EIF2AK1: variants seen among roughly 807,000 people sequenced by gnomAD.
The protein encoded by EIF2AK1 is eukaryotic translation initiation factor 2-alpha kinase 1.
A neutral mutation model predicts 77.9 loss-of-function variants in EIF2AK1; 54 were observed. The observed-to-expected ratio is 0.69, with a 90% CI of 0.56 to 0.87. EIF2AK1 has a LOEUF of 0.87. EIF2AK1 is among the 40% of genes least tolerant of loss of function. The pLI, the probability that EIF2AK1 is intolerant of heterozygous loss-of-function variation, is 0.00. For missense variants in EIF2AK1, 810 were observed against 768.6 expected, an observed-to-expected ratio of 1.05 and a Z score of -0.64; for synonymous variants, 314 against 290.5, an observed-to-expected ratio of 1.08 and a Z score of -0.82.
chr7:6,047,278 A>T lies in EIF2AK1; in HGVS notation c.450-187T>A, dbSNP rs189735532. The T allele has an allele frequency of 6.2e-5, 44 of 706,620 alleles. No homozygotes were observed. In the East Asian group the frequency reaches 1.2e-3, roughly 19 times the overall value. The allele number at this position is 706,620 out of a possible 1,614,324, so 43.8% of individuals were successfully genotyped here. A position where few individuals can be genotyped will look rare whatever the true frequency, so the allele number is the denominator to read the frequency against. ...AGAAAACAAAATCAGGTGTTTTACCAGTAACGGGTATTCCAAGTAGAAATT... is the reference window on the plus strand; with the variant it reads ...AGAAAACAAAATCAGGTGTTTTACCTGTAACGGGTATTCCAAGTAGAAATT... On this transcript the variant is annotated intron_variant, in intron 4 of 14. Coordinates refer to ENST00000199389, the MANE Select transcript of EIF2AK1 (RefSeq NM_014413.4).
chr7:6,056,613 A>AAAAAAAAAATATAT, intron 1 of EIF2AK1, among the ~76,000 whole-genome samples: 7 of 43,730 alleles, frequency 1.6e-4, no homozygotes, highest in African/African-American at 5.8e-4. Context: ...AAAAAAAAAA[A>AAAAAAAAAATATAT]ATATATATAT....
Position 6,031,674 on chromosome 7 carries a change from T to G in EIF2AK1, c.1333-2642A>C, listed in dbSNP as rs925528897. Reference sequence around the variant, plus strand: ...CATGATCTAAAGCTGGTGAACCCACTAAGCTCACGGCCCTTATGAGAATGA... The same window carrying G: ...CATGATCTAAAGCTGGTGAACCCACGAAGCTCACGGCCCTTATGAGAATGA... On this transcript the variant is annotated intron_variant, in intron 11 of 14. Coordinates refer to ENST00000199389, the MANE Select transcript of EIF2AK1 (RefSeq NM_014413.4). The G allele has an allele frequency of 2.9e-6, 4 of 1,362,418 alleles. No homozygotes were observed. The African/African-American group carries it at 5.8e-5, about 20-fold the overall frequency. The allele number at this position is 1,362,418 out of a possible 1,614,324, so 84.4% of individuals were successfully genotyped here.
intron 2 of EIF2AK1, among the ~76,000 whole-genome samples, chr7:6,052,948 G>C (rs1788650720): frequency 6.6e-6 from 1 of 151,486 alleles, no homozygotes. Context: ...GGGCAACAGA[G>C]TGAGACTCCA....
intron 4 of EIF2AK1, chr7:6,047,819 T>A (rs1473390226): frequency 6.6e-6 from 1 of 152,426 alleles, no homozygotes; most frequent in African/African-American, 2.4e-5. Context: ...ACCTGCTCTG[T>A]TTCCAACCTG....
At position 6,035,374 on chromosome 7, in the gene EIF2AK1, G is replaced by A; in HGVS notation, c.1332+2050C>T. 1 of 1,365,872 alleles carries A rather than the reference G, an allele frequency of 7.3e-7. No homozygotes were observed. The highest frequency in any genetic ancestry group is 1.0e-6 in the Non-Finnish European group (1 of 999,534). 84.6% of individuals were successfully genotyped at this position (1,365,872 alleles called of 1,614,324 possible). A position where few individuals can be genotyped will look rare whatever the true frequency, so the allele number is the denominator to read the frequency against. ...CTTTAAATAAATACTGGCTTCTTAA[G>A]CATTAACTGTCCACGTAGAGCCGTT... On this transcript the variant is annotated intron_variant, in intron 11 of 14. Transcript: ENST00000199389. This position sits in a 1 kb window ranked among gnomAD's most constrained non-coding sequence, Gnocchi z 5.5.
rs375888796 is a variant in EIF2AK1 at position 6,023,505 on chromosome 7, G to A, written c.*1168C>T. The stretch of plus-strand genomic sequence containing the variant: ...AAAAAGCCGCTGTTTTCCGCTCCAT[G>A]AACTCTGCTCTTGGGAAGAGCCCTT... On this transcript the variant is annotated 3_prime_UTR_variant, in exon 15 of 15. Coordinates refer to ENST00000199389, the MANE Select transcript of EIF2AK1 (RefSeq NM_014413.4). 1 of 1,614,230 alleles carries A rather than the reference G, an allele frequency of 6.2e-7. No homozygotes were observed. Among genetic ancestry groups the A allele is most frequent in the Non-Finnish European group, 8.5e-7 (1 of 1,180,034 alleles).
chr7:6,022,791 A>G lies in EIF2AK1; in HGVS notation c.*1882T>C, dbSNP rs1340838456. ...CCCTCACATTCAAGAACTTACCATCATAGGGACACTGAAGTTATCTTCTCA... is the reference window on the plus strand; with the variant it reads ...CCCTCACATTCAAGAACTTACCATCGTAGGGACACTGAAGTTATCTTCTCA... On this transcript the variant is annotated 3_prime_UTR_variant, in exon 15 of 15. Transcript: ENST00000199389. 1 of 153,830 alleles carries G rather than the reference A, an allele frequency of 6.5e-6. No individual in the cohort carries two copies. Among genetic ancestry groups the G allele is most frequent in the Non-Finnish European group, 1.4e-5 (1 of 69,220 alleles). The allele number at this position is 153,830 out of a possible 1,614,324, so 9.5% of individuals were successfully genotyped here. A position where few individuals can be genotyped will look rare whatever the true frequency, so the allele number is the denominator to read the frequency against.
chr7:6,032,541 A>G lies in EIF2AK1; in HGVS notation c.1333-3509T>C, dbSNP rs1230002641. 2.0e-5 allele frequency among the ~76,000 whole-genome samples: 3 copies of G among 152,242 alleles called. No individual in the cohort carries two copies. The highest frequency in any genetic ancestry group is 4.4e-5 in the Non-Finnish European group (3 of 68,036). On this transcript the variant is annotated intron_variant, in intron 11 of 14. Coordinates refer to ENST00000199389, the MANE Select transcript of EIF2AK1 (RefSeq NM_014413.4). This position sits in a 1 kb window ranked among gnomAD's most constrained non-coding sequence, Gnocchi z 4.3. ...CTTCATAGCAAGTACCCTTAATATC[A>G]CACCACAGGCTCTTCTGAAGAATCA...
chr7:6,057,126 CTTT>C (rs34958065), intron 1 of EIF2AK1, among the ~76,000 whole-genome samples: 2 of 90,736 alleles, frequency 2.2e-5, no homozygotes, highest in African/African-American at 4.6e-5. Flanking sequence ...GACCCCATCT[CTTT>C]TTTTTTTTTT....
At chr7:6,041,341 C>T (rs1164105847) in intron 8 of EIF2AK1, 122 bp from the exon 9 acceptor site, 1 of 964,258 alleles carries the variant, frequency 1.0e-6, no homozygotes, top group African/African-American at 1.7e-5. Context: ...GAGTTGGAGA[C>T]CAGCTTACCC....
chr7:6,053,667 CTT>C (rs34358095), intron 2 of EIF2AK1, among the ~76,000 whole-genome samples: 6 of 117,494 alleles, frequency 5.1e-5, no homozygotes, highest in Admixed American at 9.8e-5. Flanking sequence ...CCAGCCCATT[CTT>C]TTTTTTTTTT....
chr7:6,035,447 C>T lies in EIF2AK1; in HGVS notation c.1332+1977G>A, dbSNP rs990585983. The T allele has an allele frequency of 1.9e-6, 3 of 1,548,888 alleles. No individual in the cohort carries two copies. The highest frequency in any genetic ancestry group is 1.4e-5 in the African/African-American group (1 of 73,146). ...GTGTAATCAATACCCATTCTAGGGACACGACAGGCCTCACCACACTCAACT... is the reference window on the plus strand; with the variant it reads ...GTGTAATCAATACCCATTCTAGGGATACGACAGGCCTCACCACACTCAACT... On this transcript the variant is annotated intron_variant, in intron 11 of 14. Coordinates refer to ENST00000199389, the MANE Select transcript of EIF2AK1 (RefSeq NM_014413.4). The surrounding 1 kb of genome is among the most constrained non-coding windows in gnomAD (Gnocchi z 5.5).
At chr7:6,056,644 T>C (rs1331854083) in intron 1 of EIF2AK1, among the ~76,000 whole-genome samples, 1 of 85,368 alleles carries the variant, frequency 1.2e-5, no homozygotes, top group Admixed American at 1.1e-4. Flanking sequence ...ATAAACTCTG[T>C]CTGGACATTC....
chr7:6,052,622 C>CTGG (rs1467956544), intron 2 of EIF2AK1, among the ~76,000 whole-genome samples: 3 of 138,708 alleles, frequency 2.2e-5, no homozygotes, highest in Non-Finnish European at 4.6e-5. Context: ...CTCAGAATCT[C>CTGG]TGGCTGGAAC....
chr7:6,029,884 G>A (rs1787855286), intron 11 of EIF2AK1, among the ~76,000 whole-genome samples: 1 of 152,116 alleles, frequency 6.6e-6, no homozygotes, highest in East Asian at 1.9e-4. Context: ...TCGGGAGGCT[G>A]AGGCAGAATT....
At position 6,023,645 on chromosome 7, in the gene EIF2AK1, G is replaced by C; in HGVS notation, c.*1028C>G. ...AATGTGCAGAGGTGGATGAGGTCTT[G>C]TGAAAACCTGGCTCCTTTTAACACG... On this transcript the variant is annotated 3_prime_UTR_variant, in exon 15 of 15. Transcript: ENST00000199389. 2 of 1,614,152 alleles carry C rather than the reference G, an allele frequency of 1.2e-6. No individual in the cohort carries two copies. The highest frequency in any genetic ancestry group is 1.7e-6 in the Non-Finnish European group (2 of 1,180,030).
rs1230314845 is a variant in EIF2AK1 at position 6,027,605 on chromosome 7, T to C, written c.1531-644A>G. On this transcript the variant is annotated intron_variant, in intron 13 of 14. Coordinates refer to ENST00000199389, the MANE Select transcript of EIF2AK1 (RefSeq NM_014413.4). The surrounding 1 kb of genome is among the most constrained non-coding windows in gnomAD (Gnocchi z 4.5). ...CCAGGAACAAGGGAGATTCAAACTT[T>C]ACAGCATGTTCGTTCTATTTCAAGG... Among the ~76,000 whole-genome samples, 1 of 152,058 alleles carries C rather than the reference T, an allele frequency of 6.6e-6. No homozygotes were observed. Among genetic ancestry groups the C allele is most frequent in the East Asian group, 1.9e-4 (1 of 5,182 alleles).
In EIF2AK1 at chr7:6,035,304, G is replaced by C. The variant is rs187793586; in HGVS notation, c.1332+2120C>G. On this transcript the variant is annotated intron_variant, in intron 11 of 14. Coordinates refer to ENST00000199389, the MANE Select transcript of EIF2AK1 (RefSeq NM_014413.4). This position sits in a 1 kb window ranked among gnomAD's most constrained non-coding sequence, Gnocchi z 5.5. ...GGGATAGCCTGAGAAACTACCCAGC[G>C]ATACAGATTTTGAAACACGTCCTTA... 52 of 860,578 alleles carry C rather than the reference G, an allele frequency of 6.0e-5. No homozygotes were observed. Among genetic ancestry groups the C allele is most frequent in the African/African-American group, 4.4e-4 (26 of 58,712 alleles). The allele number at this position is 860,578 out of a possible 1,614,324, so 53.3% of individuals were successfully genotyped here.
Position 6,023,186 on chromosome 7 carries a change from A to T in EIF2AK1, c.*1487T>A. The stretch of plus-strand genomic sequence containing the variant: ...TGAAAATGTGATGTTCTTCTTGAAA[A>T]CACCCTTTCCCATGTCATCAGTCTG... On this transcript the variant is annotated 3_prime_UTR_variant, in exon 15 of 15. Coordinates refer to ENST00000199389, the MANE Select transcript of EIF2AK1 (RefSeq NM_014413.4). The T allele has an allele frequency of 4.0e-6, 5 of 1,237,966 alleles. No homozygotes were observed. The highest frequency in any genetic ancestry group is 5.5e-6 in the Non-Finnish European group (5 of 905,930). The allele number at this position is 1,237,966 out of a possible 1,614,324, so 76.7% of individuals were successfully genotyped here. A position where few individuals can be genotyped will look rare whatever the true frequency, so the allele number is the denominator to read the frequency against.
Sources: allele counts gnomAD v4.1 joint callset (sites outside exome capture counted in the v4.1 genomes callset), GRCh38; gene constraint gnomAD v4.1.1; non-coding constraint Gnocchi (gnomAD v3.1); transcripts MANE v1.5; gene names NCBI Gene and HGNC (gene_info 2026-07-23, HGNC 2026-07-21).